The following STK3 variants were observed in gnomAD, a reference collection of about 807,000 sequenced individuals.
STK3 encodes the protein serine/threonine kinase 3.
Under a neutral mutation model 58.0 loss-of-function variants are expected in STK3, and 41 were observed. The ratio of observed to expected loss-of-function variants is 0.71; its 90% CI spans 0.55 to 0.92. The LOEUF is 0.92. STK3 is among the 40% of genes least tolerant of loss of function. The pLI is 0.00. For synonymous variants in STK3, 170 were observed against 191.0 expected, an observed-to-expected ratio of 0.89 and a Z score of 0.91; for missense variants, 479 against 602.7, an observed-to-expected ratio of 0.79 and a Z score of 2.15.
At chr8:98,554,992 T>G (rs1223638118) in intron 8 of STK3, among the ~76,000 whole-genome samples, 3 of 152,154 alleles carry the variant, frequency 2.0e-5, no homozygotes, top group Non-Finnish European at 2.9e-5. Context: ...GCAGAACAGA[T>G]GCTTCCCCAC....
chr8:98,903,556 C>CTA (rs200556218), intron 1 of STK3, among the ~76,000 whole-genome samples: 10 of 50,502 alleles, frequency 2.0e-4, no homozygotes, highest in African/African-American at 6.8e-4. Flanking sequence ...TCTTCTTCTT[C>CTA]CTTTTTTTTT....
chr8:98,773,976 AG>A (rs1346383674), intron 2 of STK3, among the ~76,000 whole-genome samples: 2 of 151,950 alleles, frequency 1.3e-5, no homozygotes, highest in Non-Finnish European at 2.9e-5. Flanking sequence ...TAGTATTTTT[AG>A]TAGACATGGG....
the STK3 span, among the ~76,000 whole-genome samples, chr8:98,349,429 G>A: frequency 1.1e-3 from 166 of 152,332 alleles, 1 homozygote; most frequent in African/African-American, 3.7e-3. Context: ...GGGTGGTGTT[G>A]AGCATGGCTT....
chr8:98,683,808 T>C (rs963236081), intron 6 of STK3, among the ~76,000 whole-genome samples: 1 of 152,154 alleles, frequency 6.6e-6, no homozygotes, highest in Non-Finnish European at 1.5e-5. Context: ...TGTAATATGC[T>C]ATGATAAAGA....
intron 1 of STK3, among the ~76,000 whole-genome samples, chr8:98,903,405 T>C (rs1481165191): frequency 1.3e-5 from 2 of 152,170 alleles, no homozygotes; most frequent in Admixed American, 6.5e-5. Flanking sequence ...AATGCTCTTT[T>C]TAGTAGTCAA....
intron 4 of STK3, among the ~76,000 whole-genome samples, chr8:98,729,362 A>C (rs368609879): frequency 6.6e-6 from 1 of 152,296 alleles, no homozygotes; most frequent in East Asian, 1.9e-4. Flanking sequence ...TCCCCGCCTC[A>C]GCCTCCCAAA....
chr8:98,541,856 C>G (rs1810304930), intron 9 of STK3, among the ~76,000 whole-genome samples: 1 of 152,192 alleles, frequency 6.6e-6, no homozygotes, highest in South Asian at 2.1e-4. Context: ...GATTTCTTCT[C>G]AGTAATCTAT....
chr8:98,650,465 C>G (rs183907713), intron 6 of STK3, among the ~76,000 whole-genome samples: 2 of 152,376 alleles, frequency 1.3e-5, no homozygotes, highest in African/African-American at 4.8e-5. Context: ...GTTCACCTCA[C>G]TAGGGAGTGC....
rs755313458 is a variant in STK3, at chr8:98,914,486, ACACACACT to A, written c.-79+27884_-79+27891del. On this transcript the variant is annotated intron_variant, in intron 1 of 1. Coordinates refer to the STK3 transcript ENST00000519420. ...TACACACACACACACACACACACAC[ACACACACT>A]CTCTCTCTCTCTCTCTTCACTCTTA... Among the ~76,000 whole-genome samples, 674 of 142,288 alleles carry A rather than the reference ACACACACT, an allele frequency of 4.7e-3. 3 individuals are homozygous for A. The highest frequency in any genetic ancestry group is 7.2e-3 in the Non-Finnish European group (456 of 63,316). 93.3% of individuals were successfully genotyped at this position (142,288 alleles called of 152,430 possible).
At chr8:98,362,381 G>A in the STK3 span, among the ~76,000 whole-genome samples, 1 of 152,138 alleles carries the variant, frequency 6.6e-6, no homozygotes, top group African/African-American at 2.4e-5. Flanking sequence ...GTGCTGGCGT[G>A]CCACTGTCTG....
At chr8:98,791,452 C>A (rs1587632125) in intron 1 of STK3, among the ~76,000 whole-genome samples, 2 of 152,292 alleles carry the variant, frequency 1.3e-5, no homozygotes, top group African/African-American at 2.4e-5. Context: ...TCATTCTTCA[C>A]AGAATTAGAA....
At chr8:98,394,678 A>T (rs1258881299) in intron 3 of STK3, among the ~76,000 whole-genome samples, 1 of 152,250 alleles carries the variant, frequency 6.6e-6, no homozygotes, top group East Asian at 1.9e-4. Context: ...AAGAATAAAA[A>T]TTGAGAAATG....
chr8:98,411,501 C>T lies in STK3; in HGVS notation n.484-9988G>A, dbSNP rs1208961485. On this transcript the variant is annotated intron_variant and non_coding_transcript_variant, in intron 3 of 3. Transcript: ENST00000517832. ...AGTGTGGAGCCTTGGGGATTTAAGGCGGTGGGGTCTGGTGCCTCTGCAGCC... is the reference window on the plus strand; with the variant it reads ...AGTGTGGAGCCTTGGGGATTTAAGGTGGTGGGGTCTGGTGCCTCTGCAGCC... 3.3e-5 allele frequency among the ~76,000 whole-genome samples: 5 copies of T among 152,194 alleles called. No individual in the cohort carries two copies. The South Asian group carries it at 6.2e-4, about 19-fold the overall frequency.
At chr8:98,735,566 T>C (rs1320580132) in intron 4 of STK3, among the ~76,000 whole-genome samples, 1 of 152,154 alleles carries the variant, frequency 6.6e-6, no homozygotes, top group East Asian at 1.9e-4. Context: ...ACTCAATGAA[T>C]ACTAATCTTA....
At chr8:98,363,921 C>T in the STK3 span, among the ~76,000 whole-genome samples, 1 of 152,198 alleles carries the variant, frequency 6.6e-6, no homozygotes, top group Non-Finnish European at 1.5e-5. Flanking sequence ...CTCAAGAGTG[C>T]CAGGCAGGAT....
chr8:98,486,480 A>C (rs1163841051), intron 10 of STK3, among the ~76,000 whole-genome samples: 2 of 152,208 alleles, frequency 1.3e-5, no homozygotes, highest in Non-Finnish European at 2.9e-5. Context: ...ATGAAGTTCC[A>C]CAGAGGTGAT....
At chr8:98,706,341 AT>A (rs1825960865) in intron 6 of STK3, 125 bp downstream of exon 6, 3 of 1,015,840 alleles carry the variant, frequency 3.0e-6, no homozygotes, top group Admixed American at 3.4e-5. Context: ...TTAAGAGGTA[AT>A]TTTACCATTT....
intron 4 of STK3, among the ~76,000 whole-genome samples, chr8:98,735,821 A>G (rs1355068394): frequency 6.6e-6 from 1 of 152,126 alleles, no homozygotes; most frequent in East Asian, 1.9e-4. Flanking sequence ...TGTCTAATTA[A>G]CCCACAACTT....
chr8:98,601,634 G>A (rs967171548), intron 6 of STK3: 1 of 152,156 alleles, frequency 6.6e-6, no homozygotes, highest in Non-Finnish European at 1.5e-5. Context: ...AAATACATGT[G>A]AGCAATAGGT....
Sources: gnomAD v4.1 joint callset for allele counts (sites outside exome capture counted in the v4.1 genomes callset) on GRCh38, gnomAD v4.1.1 for gene constraint, MANE v1.5 for transcripts, NCBI Gene and HGNC (gene_info 2026-07-23, HGNC 2026-07-21) for gene names.